The following PIEZO2 variants were observed in gnomAD, a reference collection of about 807,000 sequenced individuals.
PIEZO2 encodes piezo-type mechanosensitive ion channel component 2.
PIEZO2 carries 172 observed loss-of-function variants against 337.3 expected under a neutral mutation model. The observed-to-expected ratio is 0.51, with a 90% CI of 0.45 to 0.58. The LOEUF (loss-of-function observed/expected upper bound fraction) is 0.58. PIEZO2 is among the 20% of genes least tolerant of loss of function. PIEZO2 has a pLI of 0.00. For missense variants in PIEZO2, 3,028 were observed against 3,391.3 expected (o/e 0.89, Z 2.66); for synonymous variants, 1,251 against 1,228.5 (o/e 1.02, Z -0.38).
At chr18:10,779,106 C>T (rs948712891) in intron 18 of PIEZO2, among the ~76,000 whole-genome samples, 1 of 152,134 alleles carries the variant, frequency 6.6e-6, no homozygotes, top group Non-Finnish European at 1.5e-5. Flanking sequence ...AAAACCAGCC[C>T]CCAAAAAACC....
rs2031953767 is a variant in PIEZO2, at chr18:10,929,455, T to C, written c.287-18227A>G. 6.6e-6 allele frequency among the ~76,000 whole-genome samples: 1 copy of C among 152,218 alleles called. No individual in the cohort carries two copies. Among genetic ancestry groups the C allele is most frequent in the South Asian group, 2.1e-4 (1 of 4,824 alleles). On this transcript the variant is annotated intron_variant, in intron 3 of 55. Coordinates refer to ENST00000674853, the MANE Select transcript of PIEZO2 (RefSeq NM_001378183.1). The surrounding 1 kb of genome is among the most constrained non-coding windows in gnomAD (Gnocchi z 5.6). ...ATATCTTTAAGTAAGATTGGAATGT[T>C]TGAACAAAATGCTTTTGCCAGTTGC... is the stretch of plus-strand genomic sequence containing the variant.
At chr18:11,086,496 G>A (rs546919101) in intron 1 of PIEZO2, among the ~76,000 whole-genome samples, 2 of 145,502 alleles carry the variant, frequency 1.4e-5, no homozygotes, top group East Asian at 1.9e-4. Context: ...TCCAGCCTGG[G>A]CAACAGAGCG....
chr18:10,811,873 G>A (rs1486495550), intron 7 of PIEZO2, among the ~76,000 whole-genome samples: 6 of 152,030 alleles, frequency 3.9e-5, no homozygotes, highest in Non-Finnish European at 8.8e-5. Context: ...TCGCTCTGTC[G>A]CCCAGGCTGG....
At chr18:11,058,097 G>T (rs984832772) in intron 2 of PIEZO2, among the ~76,000 whole-genome samples, 1 of 152,158 alleles carries the variant, frequency 6.6e-6, no homozygotes, top group Non-Finnish European at 1.5e-5. Flanking sequence ...AGAGAGACTG[G>T]AATTTTATGT....
At chr18:11,089,243 G>T (rs2038997376) in intron 1 of PIEZO2, among the ~76,000 whole-genome samples, 1 of 152,114 alleles carries the variant, frequency 6.6e-6, no homozygotes, top group Admixed American at 6.6e-5. Flanking sequence ...CACCCCCTAA[G>T]CTCTCAGGGC....
chr18:10,719,162 A>C (rs1342879940), intron 36 of PIEZO2, among the ~76,000 whole-genome samples: 1 of 152,154 alleles, frequency 6.6e-6, no homozygotes. Flanking sequence ...TAACCAGTTA[A>C]ATTTGAATGT....
rs747076353 is a variant in PIEZO2, at chr18:11,098,458, A to G, written c.65-32236T>C. On this transcript the variant is annotated intron_variant, in intron 1 of 55. Transcript: ENST00000674853. ...CAAAATTAAAAAATGTATAAAACAAAAAGAAAGTTCTCCCACACTCTATTT... is the reference window on the plus strand; with the variant it reads ...CAAAATTAAAAAATGTATAAAACAAGAAGAAAGTTCTCCCACACTCTATTT... Among the ~76,000 whole-genome samples the G allele has an allele frequency of 3.3e-5, 5 of 151,428 alleles. No individual in the cohort carries two copies. In the South Asian group the frequency reaches 1.1e-3, roughly 32 times the overall value.
At chr18:10,782,916 G>A (rs1412638313) in intron 17 of PIEZO2, among the ~76,000 whole-genome samples, 1 of 152,182 alleles carries the variant, frequency 6.6e-6, no homozygotes, top group East Asian at 1.9e-4. Flanking sequence ...AACCTTGGGA[G>A]TCTCTAGGCT....
At position 10,861,059 on chromosome 18, in the gene PIEZO2, T is replaced by C. The variant is rs575369673; in HGVS notation, c.493-3848A>G. 2.6e-5 allele frequency among the ~76,000 whole-genome samples: 4 copies of C among 152,218 alleles called. No individual in the cohort carries two copies. The highest frequency in any genetic ancestry group is 4.4e-5 in the Non-Finnish European group (3 of 68,034). On this transcript the variant is annotated intron_variant, in intron 5 of 55. Coordinates refer to ENST00000674853, the MANE Select transcript of PIEZO2 (RefSeq NM_001378183.1). The surrounding 1 kb of genome is among the most constrained non-coding windows in gnomAD (Gnocchi z 4.3). Reference sequence around the variant, plus strand: ...TGCCATTAGTCACGTCAGGCTGGCTTATTAACAGGCAGGCTTTTTCCCCCA... The same window carrying C: ...TGCCATTAGTCACGTCAGGCTGGCTCATTAACAGGCAGGCTTTTTCCCCCA...
At chr18:10,923,661 T>C (rs564549747) in intron 3 of PIEZO2, among the ~76,000 whole-genome samples, 74 of 152,370 alleles carry the variant, frequency 4.9e-4, no homozygotes, top group Admixed American at 9.1e-4. Flanking sequence ...TCAGCTTTTA[T>C]CCCTCCTCAG....
chr18:10,719,935 C>T (rs1439420059), intron 36 of PIEZO2, among the ~76,000 whole-genome samples: 2 of 151,920 alleles, frequency 1.3e-5, no homozygotes, highest in African/African-American at 4.8e-5. Flanking sequence ...TTAGGAGACA[C>T]AAAATAGACC....
intron 36 of PIEZO2, among the ~76,000 whole-genome samples, chr18:10,719,771 T>C (rs746910920): frequency 6.6e-6 from 1 of 152,182 alleles, no homozygotes; most frequent in East Asian, 1.9e-4. Context: ...TTAAGAAATC[T>C]TCATTTTTTT....
chr18:10,744,107 G>C, intron 31 of PIEZO2, 35 bp downstream of exon 31: 1 of 1,439,316 alleles, frequency 6.9e-7, no homozygotes, highest in Non-Finnish European at 9.4e-7. Flanking sequence ...ACAATCAGAA[G>C]ACGGAAGGAG....
At chr18:10,939,676 C>T (rs866030017) in intron 3 of PIEZO2, among the ~76,000 whole-genome samples, 1 of 152,082 alleles carries the variant, frequency 6.6e-6, no homozygotes, top group Non-Finnish European at 1.5e-5. Flanking sequence ...AACAGAAAAC[C>T]AAACGCCGCA....
rs2041692772 is a variant in PIEZO2, at chr18:10,855,979, T to C, written c.704-413A>G. ...CATTTTCTTTATAATAATTTACTAC[T>C]TTTTTTTTTTAAGTTAACTAGTACA... On this transcript the variant is annotated intron_variant, in intron 6 of 55. Transcript: ENST00000674853. This position sits in a 1 kb window ranked among gnomAD's most constrained non-coding sequence, Gnocchi z 4.9. 1.4e-5 allele frequency among the ~76,000 whole-genome samples: 2 copies of C among 145,958 alleles called. No homozygotes were observed. The highest frequency in any genetic ancestry group is 2.6e-5 in the African/African-American group (1 of 39,038).
In PIEZO2 at chr18:10,699,140, C is replaced by T. The variant is rs2035227397; in HGVS notation, c.6479G>A (p.Ser2160Asn). ...ATCTGATTCCTCCCTGGCCATGCCA[C>T]TTTCAGTCATGTCATCTTCATCCCA... ...GLWDEDDMTE[S>N]GMAREESDDE... The change falls in exon 44 of 56, where the codon AGT (serine) becomes AAT (asparagine). Residue 2160 changes from serine (S) to asparagine (N), a missense_variant. Ser to Asn is a conservative substitution (Grantham distance 46). Transcript: ENST00000674853. 1 of 1,537,254 alleles carries T rather than the reference C, an allele frequency of 6.5e-7. No individual in the cohort carries two copies. The highest frequency in any genetic ancestry group is 2.4e-5 in the East Asian group (1 of 40,918).
rs1328858757 is a variant in PIEZO2 at position 10,733,357 on chromosome 18, A to T, written c.4915-1836T>A. On this transcript the variant is annotated intron_variant, in intron 35 of 55. Transcript: ENST00000674853. ...TTTTACAGTTCCAGGAATTATTAAG[A>T]GGGTCAGAAAAACGTTGACAATGAA... Among the ~76,000 whole-genome samples the T allele has an allele frequency of 2.0e-5, 3 of 152,056 alleles. No homozygotes were observed. The South Asian group carries it at 6.2e-4, about 32-fold the overall frequency.
rs1037757499 is a variant in PIEZO2 at position 10,784,133 on chromosome 18, C to T, written c.2492+651G>A. Reference sequence around the variant, plus strand: ...TGCTTGTGATCTCCCCGTGATGGAACACAGTGAAGGATTTGTGATAACCCA... The same window carrying T: ...TGCTTGTGATCTCCCCGTGATGGAATACAGTGAAGGATTTGTGATAACCCA... On this transcript the variant is annotated intron_variant, in intron 17 of 55. Coordinates refer to ENST00000674853, the MANE Select transcript of PIEZO2 (RefSeq NM_001378183.1). The surrounding 1 kb of genome is among the most constrained non-coding windows in gnomAD (Gnocchi z 4.5). Among the ~76,000 whole-genome samples the T allele has an allele frequency of 6.6e-6, 1 of 152,182 alleles. No homozygotes were observed. The highest frequency in any genetic ancestry group is 2.4e-5 in the African/African-American group (1 of 41,434).
intron 14 of PIEZO2, among the ~76,000 whole-genome samples, chr18:10,789,594 A>G (rs947863919): frequency 6.6e-6 from 1 of 152,232 alleles, no homozygotes. Flanking sequence ...TGGTAACACT[A>G]ATTTATATAC....
Sources: gnomAD v4.1 joint callset for allele counts (sites outside exome capture counted in the v4.1 genomes callset) on GRCh38, gnomAD v4.1.1 for gene constraint, Gnocchi (gnomAD v3.1) non-coding constraint, MANE v1.5 for transcripts, NCBI Gene and HGNC (gene_info 2026-07-23, HGNC 2026-07-21) for gene names.